Variants in THTPA observed in about 807,000 individuals in gnomAD.
THTPA encodes the protein thiamine triphosphatase.
THTPA carries 16 observed loss-of-function variants against 16.5 expected under a neutral mutation model. The ratio of observed to expected loss-of-function variants is 0.97; its 90% CI spans 0.66 to 1.47. THTPA has a LOEUF of 1.47. Ranked by LOEUF, THTPA falls within the 40% of genes most tolerant of loss-of-function variation. The pLI is 0.00. For missense variants in THTPA, 281 were observed against 280.9 expected, an observed-to-expected ratio of 1.00 and a Z score of 0.00; for synonymous variants, 110 against 115.5, an observed-to-expected ratio of 0.95 and a Z score of 0.30.
At chr14:23,519,404 A>G in the THTPA span, among the ~76,000 whole-genome samples, 1 of 152,190 alleles carries the variant, frequency 6.6e-6, no homozygotes, top group African/African-American at 2.4e-5. Context: ...CCTCAGATAC[A>G]TGCTGCTAAG....
chr14:23,537,328 C>T, the THTPA span, among the ~76,000 whole-genome samples: 1 of 152,162 alleles, frequency 6.6e-6, no homozygotes, highest in Non-Finnish European at 1.5e-5. Context: ...GGCCCATCTA[C>T]GTCCTCTCTA....
the THTPA span, chr14:23,527,876 A>G: frequency 8.5e-5 from 64 of 749,054 alleles, 1 homozygote; most frequent in Middle Eastern, 1.2e-3. Flanking sequence ...AGTCCTTTGG[A>G]TGCAGCACTG....
chr14:23,553,257 A>G (rs1882104680), upstream of THTPA, among the ~76,000 whole-genome samples: 1 of 152,196 alleles, frequency 6.6e-6, no homozygotes, highest in Non-Finnish European at 1.5e-5. Context: ...ACAGTTTATG[A>G]CTGAATCCTC....
chr14:23,548,819 T>C, the THTPA span, among the ~76,000 whole-genome samples: 1 of 152,192 alleles, frequency 6.6e-6, no homozygotes, highest in Non-Finnish European at 1.5e-5. Context: ...TTCCTGCTAT[T>C]TGTGCTATGC....
the THTPA span, among the ~76,000 whole-genome samples, chr14:23,549,145 C>T: frequency 6.6e-6 from 1 of 152,256 alleles, no homozygotes; most frequent in Admixed American, 6.5e-5. Context: ...CATTTCTCTT[C>T]CTTTTACCTT....
At chr14:23,525,443 T>A in the THTPA span, 1 of 1,536,096 alleles carries the variant, frequency 6.5e-7, no homozygotes. This position sits in a 1 kb window ranked among gnomAD's most constrained non-coding sequence, Gnocchi z 5.9. Context: ...GTGGACATGT[T>A]CCTCGTGTGT....
At chr14:23,536,341 C>G in the THTPA span, among the ~76,000 whole-genome samples, 1 of 152,180 alleles carries the variant, frequency 6.6e-6, no homozygotes, top group Non-Finnish European at 1.5e-5. Context: ...CATACCCTGA[C>G]GAGGTAAATT....
intron 1 of THTPA, among the ~76,000 whole-genome samples, chr14:23,558,431 C>A (rs1205505544): frequency 6.6e-6 from 1 of 152,202 alleles, no homozygotes; most frequent in African/African-American, 2.4e-5. Context: ...TGCCTGGGTG[C>A]CTCTTCGCCA....
the THTPA span, chr14:23,512,772 A>G: frequency 1.3e-5 from 2 of 150,866 alleles, no homozygotes; most frequent in African/African-American, 2.4e-5. Context: ...ATATATATAT[A>G]TATTTTAAAT....
chr14:23,531,629 A>G, the THTPA span: 1 of 1,522,528 alleles, frequency 6.6e-7, no homozygotes. Context: ...GTTGCAGCAC[A>G]GCCAAGCGGG....
the THTPA span, chr14:23,534,188 C>T: frequency 6.8e-7 from 1 of 1,479,166 alleles, no homozygotes; most frequent in Non-Finnish European, 8.9e-7. This position sits in a 1 kb window ranked among gnomAD's most constrained non-coding sequence, Gnocchi z 4.5. Context: ...CCATCCTCTT[C>T]TTGCCCCTCA....
the THTPA span, chr14:23,530,259 C>G: frequency 8.1e-7 from 1 of 1,231,990 alleles, no homozygotes; most frequent in African/African-American, 1.5e-5. Flanking sequence ...GGACATAGGA[C>G]AGAGGAAGCA....
chr14:23,548,776 C>T, the THTPA span, among the ~76,000 whole-genome samples: 1 of 152,184 alleles, frequency 6.6e-6, no homozygotes, highest in Non-Finnish European at 1.5e-5. Flanking sequence ...CTCTCTTGGG[C>T]ATTTCTCTCT....
chr14:23,549,570 A>T, the THTPA span, among the ~76,000 whole-genome samples: 1 of 152,194 alleles, frequency 6.6e-6, no homozygotes, highest in Non-Finnish European at 1.5e-5. Flanking sequence ...GGATCTAAAT[A>T]TGATAGTAGC....
chr14:23,533,928 C>G, the THTPA span: 1 of 1,537,966 alleles, frequency 6.5e-7, no homozygotes, highest in African/African-American at 1.4e-5. This position sits in a 1 kb window ranked among gnomAD's most constrained non-coding sequence, Gnocchi z 4.8. Context: ...CATCCAGGGT[C>G]TGCTGGTACT....
the THTPA span, chr14:23,522,844 C>T: frequency 6.5e-7 from 1 of 1,532,442 alleles, no homozygotes; most frequent in Admixed American, 2.0e-5. Flanking sequence ...GCATGGGTCT[C>T]TGAGGTAAGG....
At chr14:23,536,049 T>C in the THTPA span, among the ~76,000 whole-genome samples, 3 of 152,144 alleles carry the variant, frequency 2.0e-5, no homozygotes, top group African/African-American at 7.2e-5. Context: ...TTCTAAAACA[T>C]GTCAATCCCT....
the THTPA span, among the ~76,000 whole-genome samples, chr14:23,550,686 G>C: frequency 6.6e-6 from 1 of 152,208 alleles, no homozygotes; most frequent in African/African-American, 2.4e-5. Context: ...GGGGTGGTAG[G>C]ATGGGCGTGC....
At chr14:23,513,351 A>T in the THTPA span, 1 of 152,202 alleles carries the variant, frequency 6.6e-6, no homozygotes. Flanking sequence ...GTCACTGTGC[A>T]TTGCTGTGTG....
Sources: gnomAD v4.1 joint callset for allele counts (sites outside exome capture counted in the v4.1 genomes callset) on GRCh38, gnomAD v4.1.1 for gene constraint, Gnocchi (gnomAD v3.1) non-coding constraint, MANE v1.5 for transcripts, NCBI Gene and HGNC (gene_info 2026-07-23, HGNC 2026-07-21) for gene names.